PHF21A: variants seen among roughly 807,000 people sequenced by gnomAD.
PHF21A encodes the protein PHD finger protein 21A, also known as BHC80a.
A neutral mutation model predicts 82.5 loss-of-function variants in PHF21A; 11 were observed. The observed-to-expected ratio is 0.13, with a 90% CI of 0.08 to 0.22. The LOEUF (loss-of-function observed/expected upper bound fraction) is 0.22, where lower values mean the gene tolerates loss of function less well. Ranked by LOEUF, PHF21A falls within the 10% of genes least tolerant of loss-of-function variation. The pLI, the probability that PHF21A is intolerant of heterozygous loss-of-function variation, is 1.00. For missense variants in PHF21A, 579 were observed against 837.8 expected, an observed-to-expected ratio of 0.69 and a Z score of 3.81; for synonymous variants, 297 against 302.8, an observed-to-expected ratio of 0.98 and a Z score of 0.20.
At chr11:45,934,465 C>T in intron 18 of PHF21A, 2 of 510,820 alleles carry the variant, frequency 3.9e-6, no homozygotes, top group Non-Finnish European at 3.5e-6. Flanking sequence ...GGAGAAAGAG[C>T]ATGCGGGCAC....
chr11:45,958,469 C>CACACAA (rs1163316434), intron 10 of PHF21A, among the ~76,000 whole-genome samples: 1 of 111,568 alleles, frequency 9.0e-6, no homozygotes, highest in Non-Finnish European at 1.8e-5. Flanking sequence ...CACACACACA[C>CACACAA]ATATATATTA....
intron 1 of PHF21A, among the ~76,000 whole-genome samples, chr11:46,114,564 T>C (rs778490305): frequency 6.6e-6 from 1 of 152,222 alleles, no homozygotes; most frequent in African/African-American, 2.4e-5. Context: ...GCTTCGTCAA[T>C]ACAACATACT....
chr11:46,008,749 A>G (rs2137276450), intron 6 of PHF21A, among the ~76,000 whole-genome samples: 1 of 152,296 alleles, frequency 6.6e-6, no homozygotes, highest in East Asian at 1.9e-4. Context: ...AAATCTGAAT[A>G]TAATTTTTGT....
At chr11:46,082,344 C>G (rs2096802155) in intron 4 of PHF21A, among the ~76,000 whole-genome samples, 1 of 152,202 alleles carries the variant, frequency 6.6e-6, no homozygotes, top group Admixed American at 6.5e-5. Flanking sequence ...TGGTCTCAGC[C>G]TAGTAACCAA....
intron 6 of PHF21A, among the ~76,000 whole-genome samples, chr11:46,075,923 T>C (rs2096719066): frequency 6.6e-6 from 1 of 152,250 alleles, no homozygotes; most frequent in Admixed American, 6.5e-5. Flanking sequence ...CTCAATAAAA[T>C]GTCACTGGCA....
chr11:46,010,886 A>G (rs1345822386), intron 6 of PHF21A, among the ~76,000 whole-genome samples: 4 of 152,210 alleles, frequency 2.6e-5, no homozygotes, highest in African/African-American at 9.6e-5. Context: ...GTAACCAGGC[A>G]GTGAACAGCA....
intron 1 of PHF21A, among the ~76,000 whole-genome samples, chr11:46,093,317 T>C (rs760849805): frequency 1.3e-5 from 2 of 152,230 alleles, no homozygotes; most frequent in Non-Finnish European, 1.5e-5. Context: ...CAATAGTGTC[T>C]CATTGCCTCA....
chr11:46,089,597 T>G (rs2096899461), intron 3 of PHF21A, among the ~76,000 whole-genome samples: 1 of 151,984 alleles, frequency 6.6e-6, no homozygotes, highest in Non-Finnish European at 1.5e-5. Flanking sequence ...ACCCTCTGAA[T>G]GTGGTAAGGC....
chr11:46,026,371 T>C (rs368209804), intron 6 of PHF21A, among the ~76,000 whole-genome samples: 4 of 152,166 alleles, frequency 2.6e-5, no homozygotes. Context: ...ACAAGGTACA[T>C]GAAAGCTGAC....
chr11:45,961,920 G>C (rs2093109055), intron 10 of PHF21A, among the ~76,000 whole-genome samples: 1 of 152,190 alleles, frequency 6.6e-6, no homozygotes, highest in African/African-American at 2.4e-5. Flanking sequence ...CAGAGCCACA[G>C]TGTAACGTGG....
At chr11:46,032,594 C>T (rs1192688755) in intron 6 of PHF21A, among the ~76,000 whole-genome samples, 2 of 152,056 alleles carry the variant, frequency 1.3e-5, no homozygotes, top group Non-Finnish European at 2.9e-5. Flanking sequence ...AATCATGCTG[C>T]TGGGTTAAAG....
Position 46,084,243 on chromosome 11 carries a change from G to C in PHF21A, c.-24C>G, listed in dbSNP as rs771556381. The C allele has an allele frequency of 1.3e-6, 2 of 1,579,322 alleles. No homozygotes were observed. The highest frequency in any genetic ancestry group is 2.7e-5 in the African/African-American group (2 of 72,778). ...ATCCTCTACCTTCTCCACTTTCTCTGCTAATTCTATAGTTTCTTCAGCCTC... is the reference window on the plus strand; with the variant it reads ...ATCCTCTACCTTCTCCACTTTCTCTCCTAATTCTATAGTTTCTTCAGCCTC... On this transcript the variant is annotated 5_prime_UTR_variant, in exon 4 of 19. Coordinates refer to ENST00000676320, the MANE Select transcript of PHF21A (RefSeq NM_001352027.3).
intron 1 of PHF21A, among the ~76,000 whole-genome samples, chr11:46,115,199 A>G (rs1414634969): frequency 1.3e-5 from 2 of 152,192 alleles, no homozygotes; most frequent in Non-Finnish European, 2.9e-5. Context: ...AAATTGCCAC[A>G]CAAGTCTAGT....
At chr11:45,981,316 A>T (rs1411637616) in intron 6 of PHF21A, among the ~76,000 whole-genome samples, 1 of 141,666 alleles carries the variant, frequency 7.1e-6, no homozygotes, top group Non-Finnish European at 1.5e-5. Flanking sequence ...AACCTAGGAG[A>T]TGGAGGTTGC....
chr11:46,059,433 T>C, intron 6 of PHF21A, among the ~76,000 whole-genome samples: 1 of 152,228 alleles, frequency 6.6e-6, no homozygotes, highest in South Asian at 2.1e-4. Context: ...TTTTTTTATT[T>C]ATTTATTTTT....
chr11:46,049,697 T>C (rs1396760920), intron 6 of PHF21A, among the ~76,000 whole-genome samples: 1 of 152,250 alleles, frequency 6.6e-6, no homozygotes, highest in African/African-American at 2.4e-5. Flanking sequence ...GCCGCTGTCC[T>C]ACTCAGGGGG....
chr11:46,077,483 T>C (rs1033152178), intron 5 of PHF21A, among the ~76,000 whole-genome samples: 1 of 152,224 alleles, frequency 6.6e-6, no homozygotes. Context: ...ATTAAAGTTT[T>C]CAAATGCTTA....
intron 6 of PHF21A, among the ~76,000 whole-genome samples, chr11:45,982,881 A>G (rs902019090): frequency 5.3e-5 from 8 of 152,236 alleles, no homozygotes; most frequent in Non-Finnish European, 1.0e-4. Context: ...TAAACTTTGG[A>G]CAAAAACAGC....
chr11:46,071,296 G>C (rs2096654160), intron 6 of PHF21A, among the ~76,000 whole-genome samples: 1 of 152,138 alleles, frequency 6.6e-6, no homozygotes. Context: ...CAAGGCCTCA[G>C]AATAAACACA....
Sources: allele counts gnomAD v4.1 joint callset (sites outside exome capture counted in the v4.1 genomes callset), GRCh38; gene constraint gnomAD v4.1.1; transcripts MANE v1.5; gene names NCBI Gene and HGNC (gene_info 2026-07-23, HGNC 2026-07-21).